The following MED27 variants were observed in gnomAD, a reference collection of about 807,000 sequenced individuals.
MED27 encodes mediator of RNA polymerase II transcription subunit 27.
A neutral mutation model predicts 38.2 loss-of-function variants in MED27; 30 were observed. That is an observed-to-expected ratio of 0.79 (90% CI 0.59 to 1.07). MED27 has a LOEUF of 1.07. MED27 is among the 50% of genes least tolerant of loss of function. The pLI is 0.00. For synonymous variants in MED27, 122 were observed against 153.5 expected (o/e 0.79, Z 1.52); for missense variants, 289 against 397.5 (o/e 0.73, Z 2.32).
chr9:131,921,033 C>A (rs1020096559), intron 4 of MED27, among the ~76,000 whole-genome samples: 2 of 152,176 alleles, frequency 1.3e-5, no homozygotes, highest in South Asian at 2.1e-4. Flanking sequence ...GGCGGCATTG[C>A]GGAGAGTAGA....
At chr9:131,896,625 T>C (rs946255942) in intron 4 of MED27, among the ~76,000 whole-genome samples, 2 of 152,178 alleles carry the variant, frequency 1.3e-5, no homozygotes, top group African/African-American at 4.8e-5. Context: ...GGAAAGATAA[T>C]CACCATTAAC....
At chr9:131,908,240 C>A (rs1259295794) in intron 4 of MED27, among the ~76,000 whole-genome samples, 3 of 146,444 alleles carry the variant, frequency 2.0e-5, no homozygotes, top group Non-Finnish European at 4.6e-5. Context: ...GCCGCCCCGT[C>A]CGGGAGGGAG....
intron 2 of MED27, among the ~76,000 whole-genome samples, chr9:132,075,328 T>C (rs1373595974): frequency 6.6e-6 from 1 of 152,178 alleles, no homozygotes; most frequent in Non-Finnish European, 1.5e-5. Flanking sequence ...GCTGAGTCTC[T>C]TAACTGTTCT....
intron 3 of MED27, among the ~76,000 whole-genome samples, chr9:131,951,849 T>TAAA (rs1295675868): frequency 6.6e-6 from 1 of 152,246 alleles, no homozygotes; most frequent in Non-Finnish European, 1.5e-5. Flanking sequence ...GCATGAGCTT[T>TAAA]AAAAGCAGGG....
chr9:132,021,659 G>A (rs775180052), intron 2 of MED27, among the ~76,000 whole-genome samples: 4 of 152,148 alleles, frequency 2.6e-5, no homozygotes, highest in South Asian at 2.1e-4. Flanking sequence ...GGGGTTGAAC[G>A]TTTTTGTCTC....
At chr9:131,869,050 T>C (rs899979929) in intron 6 of MED27, 6 of 985,368 alleles carry the variant, frequency 6.1e-6, no homozygotes, top group Non-Finnish European at 6.0e-6. Flanking sequence ...AAGTCCAGTA[T>C]AAAGCATATA....
rs747674116 is a variant in MED27, at chr9:131,893,957, G to C, written c.609C>G (p.Val203=). The part of the protein sequence containing the change: ...TLGKVLKVIV[V]MRSLFIDRTI... ...TTCGATCAATGAACAGGCTCCGCAT[G>C]ACGACGATCACTTTCAACACCTTTC... is the stretch of plus-strand genomic sequence containing the variant. The change falls in exon 5 of 8, where the codon GTC becomes GTG. Residue 203 remains valine, a synonymous_variant. Coordinates refer to ENST00000292035, the MANE Select transcript of MED27 (RefSeq NM_004269.4). 6.2e-7 allele frequency: 1 copy of C among 1,614,068 alleles called. No individual in the cohort carries two copies. The highest frequency in any genetic ancestry group is 2.2e-5 in the East Asian group (1 of 44,896).
At chr9:131,937,086 G>C (rs1200884025) in intron 4 of MED27, among the ~76,000 whole-genome samples, 1 of 152,164 alleles carries the variant, frequency 6.6e-6, no homozygotes, top group Non-Finnish European at 1.5e-5. Context: ...GTAGGTAGTG[G>C]GGGAGGTGGC....
At chr9:132,038,948 G>A (rs2131115999) in intron 2 of MED27, among the ~76,000 whole-genome samples, 2 of 152,302 alleles carry the variant, frequency 1.3e-5, no homozygotes, top group South Asian at 4.1e-4. Flanking sequence ...GTAGAGAACA[G>A]GCAGCAGAGC....
intron 2 of MED27, among the ~76,000 whole-genome samples, chr9:132,058,926 C>T (rs1393406618): frequency 6.6e-6 from 1 of 152,126 alleles, no homozygotes; most frequent in African/African-American, 2.4e-5. Context: ...AAGAATGAAG[C>T]GTCTTACACT....
chr9:131,879,286 C>T (rs1386908836), intron 6 of MED27, among the ~76,000 whole-genome samples: 3 of 152,166 alleles, frequency 2.0e-5, no homozygotes, highest in African/African-American at 7.2e-5. Flanking sequence ...TACCCTGTCA[C>T]ACTGAAGGAG....
At chr9:131,907,906 C>T (rs1197582492) in intron 4 of MED27, among the ~76,000 whole-genome samples, 3 of 149,318 alleles carry the variant, frequency 2.0e-5, no homozygotes, top group East Asian at 2.0e-4. Context: ...TCTGCCCGGC[C>T]GCGACCCCGT....
chr9:132,074,349 TTA>T (rs1479779654), intron 2 of MED27, among the ~76,000 whole-genome samples: 1 of 152,206 alleles, frequency 6.6e-6, no homozygotes, highest in African/African-American at 2.4e-5. Flanking sequence ...AAGAAAATAA[TTA>T]GTCATTAGGC....
chr9:131,870,682 T>C (rs761593740), intron 6 of MED27, among the ~76,000 whole-genome samples: 12 of 152,090 alleles, frequency 7.9e-5, no homozygotes, highest in Non-Finnish European at 1.8e-4. Flanking sequence ...AAAAGTGCCA[T>C]TTCCAGGCCC....
intron 3 of MED27, among the ~76,000 whole-genome samples, chr9:132,004,678 C>G (rs1040730232): frequency 1.3e-5 from 2 of 152,188 alleles, no homozygotes; most frequent in Admixed American, 6.5e-5. Flanking sequence ...AGAGCCCTAC[C>G]CATAGGCATT....
chr9:131,979,312 A>G (rs1449917241), intron 3 of MED27, among the ~76,000 whole-genome samples: 1 of 152,206 alleles, frequency 6.6e-6, no homozygotes, highest in Non-Finnish European at 1.5e-5. Context: ...GAATGAAATC[A>G]GGTAAGATCC....
At position 131,917,469 on chromosome 9, in the gene MED27, CAG is replaced by C. The variant is rs920011584; in HGVS notation, c.573+21910_573+21911del. On this transcript the variant is annotated intron_variant, in intron 4 of 7. Coordinates refer to ENST00000292035, the MANE Select transcript of MED27 (RefSeq NM_004269.4). This position sits in a 1 kb window ranked among gnomAD's most constrained non-coding sequence, Gnocchi z 4.6. The stretch of plus-strand genomic sequence containing the variant: ...GTCCAGTGTGGAAGATGAGGGGAGG[CAG>C]AGTGTTTCAAAGCAGGTAGACCAGG... Among the ~76,000 whole-genome samples, 2 of 151,830 alleles carry C rather than the reference CAG, an allele frequency of 1.3e-5. No homozygotes were observed. The highest frequency in any genetic ancestry group is 4.8e-5 in the African/African-American group (2 of 41,304).
intron 2 of MED27, among the ~76,000 whole-genome samples, chr9:132,049,565 T>G (rs1056439262): frequency 1.1e-4 from 16 of 152,286 alleles, no homozygotes; most frequent in African/African-American, 2.2e-4. Flanking sequence ...CACTCTCCTC[T>G]CAGCTCTAAG....
chr9:132,069,964 G>A (rs988730346), intron 2 of MED27, among the ~76,000 whole-genome samples: 1 of 152,280 alleles, frequency 6.6e-6, no homozygotes. Context: ...AAGGACAGTC[G>A]CCGCAAGCAC....
Sources: gnomAD v4.1 joint callset for allele counts (sites outside exome capture counted in the v4.1 genomes callset) on GRCh38, gnomAD v4.1.1 for gene constraint, Gnocchi (gnomAD v3.1) non-coding constraint, MANE v1.5 for transcripts, NCBI Gene and HGNC (gene_info 2026-07-23, HGNC 2026-07-21) for gene names.